The following TMEM200A variants were observed in gnomAD, a reference collection of about 807,000 sequenced individuals.
TMEM200A encodes transmembrane protein 200A.
A neutral mutation model predicts 24.3 loss-of-function variants in TMEM200A; 12 were observed. The observed-to-expected ratio is 0.49, with a 90% confidence interval of 0.32 to 0.80. TMEM200A has a LOEUF of 0.80. Among genes scored for constraint, TMEM200A ranks in the 30% least tolerant of loss-of-function variants. TMEM200A has a pLI of 0.04. For missense variants in TMEM200A, 545 were observed against 614.4 expected, an observed-to-expected ratio of 0.89 and a Z score of 1.19; for synonymous variants, 224 against 224.4, an observed-to-expected ratio of 1.00 and a Z score of 0.02.
At chr6:130,399,931 C>T (rs1467009601) in intron 2 of TMEM200A, among the ~76,000 whole-genome samples, 6 of 152,002 alleles carry the variant, frequency 3.9e-5, no homozygotes, top group East Asian at 1.9e-4. Context: ...TGAGAACATA[C>T]AATGTTTGGT....
chr6:130,442,359 G>C lies in TMEM200A; in HGVS notation c.*461G>C, dbSNP rs542709180. 1 of 166,662 alleles carries C rather than the reference G, an allele frequency of 6.0e-6. No homozygotes were observed. Among genetic ancestry groups the C allele is most frequent in the South Asian group, 2.1e-4 (1 of 4,836 alleles). 10.3% of individuals were successfully genotyped at this position (166,662 alleles called of 1,614,324 possible). ...ATTTTCTGAATAATTGTTCTTTGTA[G>C]GATTTGGTTACATTATTTAAAATGA... On this transcript the variant is annotated 3_prime_UTR_variant, in exon 3 of 3. Coordinates refer to ENST00000296978, the MANE Select transcript of TMEM200A (RefSeq NM_001258277.2).
intron 2 of TMEM200A, among the ~76,000 whole-genome samples, chr6:130,414,797 G>T (rs1779411431): frequency 2.0e-5 from 3 of 152,152 alleles, no homozygotes; most frequent in Admixed American, 1.3e-4. Context: ...CAGGCACTAT[G>T]CTAGGAACTT....
chr6:130,372,589 C>A (rs1778348069), intron 1 of TMEM200A, among the ~76,000 whole-genome samples: 1 of 152,142 alleles, frequency 6.6e-6, no homozygotes, highest in Admixed American at 6.5e-5. Context: ...CACTCGCTAG[C>A]ACATGCTGAA....
At chr6:130,395,845 T>A (rs1275428277) in intron 2 of TMEM200A, among the ~76,000 whole-genome samples, 1 of 152,222 alleles carries the variant, frequency 6.6e-6, no homozygotes, top group African/African-American at 2.4e-5. Context: ...ACTGAACTAA[T>A]AGTACTGTGG....
At chr6:130,404,447 A>G (rs1292378347) in intron 2 of TMEM200A, among the ~76,000 whole-genome samples, 4 of 152,084 alleles carry the variant, frequency 2.6e-5, no homozygotes, top group African/African-American at 9.7e-5. Flanking sequence ...AGTTTTACAT[A>G]TGCTTGTTGG....
chr6:130,437,736 A>T (rs1272611041), intron 2 of TMEM200A: 1 of 152,008 alleles, frequency 6.6e-6, no homozygotes, highest in East Asian at 1.9e-4. Flanking sequence ...TTACTTTAAG[A>T]TACCTTTTTT....
intron 2 of TMEM200A, among the ~76,000 whole-genome samples, chr6:130,416,323 CTCTGTCTCTCTCTCTG>C (rs1562565065): frequency 1.6e-5 from 2 of 126,104 alleles, no homozygotes; most frequent in African/African-American, 4.2e-5. Flanking sequence ...ATTTCTCTCT[CTCTGTCTCTCTCTCTG>C]TGTGTGTGTG....
chr6:130,423,948 C>A (rs530202747), intron 2 of TMEM200A, among the ~76,000 whole-genome samples: 2 of 152,200 alleles, frequency 1.3e-5, no homozygotes, highest in Non-Finnish European at 2.9e-5. Context: ...ATAAGTTGAA[C>A]TTATTTGGTC....
chr6:130,436,664 A>G (rs1160409332), intron 2 of TMEM200A, among the ~76,000 whole-genome samples: 1 of 46,244 alleles, frequency 2.2e-5, no homozygotes, highest in Non-Finnish European at 4.4e-5. Flanking sequence ...TTTTTTTTTC[A>G]GAGAGACAGG....
intron 2 of TMEM200A, among the ~76,000 whole-genome samples, 167 bp downstream of exon 2, chr6:130,385,403 A>T (rs1276800177): frequency 6.6e-6 from 1 of 152,260 alleles, no homozygotes; most frequent in Non-Finnish European, 1.5e-5. Context: ...TAAATAAACC[A>T]GATGTCTTAT....
At chr6:130,394,171 T>C (rs77111362) in intron 2 of TMEM200A, among the ~76,000 whole-genome samples, 2,782 of 152,314 alleles carry the variant, frequency 0.018, 23 homozygotes, top group Non-Finnish European at 0.027. Context: ...ATTTGGATCT[T>C]GATTGTTCTA....
At chr6:130,380,023 G>C (rs1053737820) in intron 1 of TMEM200A, among the ~76,000 whole-genome samples, 1 of 152,090 alleles carries the variant, frequency 6.6e-6, no homozygotes, top group African/African-American at 2.4e-5. Context: ...GTTTGCACAT[G>C]GTCCTTACTG....
At position 130,442,605 on chromosome 6, in the gene TMEM200A, A is replaced by G. The variant is rs903011883; in HGVS notation, c.*707A>G. On this transcript the variant is annotated 3_prime_UTR_variant, in exon 3 of 3. Coordinates refer to ENST00000296978, the MANE Select transcript of TMEM200A (RefSeq NM_001258277.2). ...AGTTGCTATAACGTTAGATACTCGG[A>G]ATCAAAATTTATTTGCAAGCTGACT... 3.6e-5 allele frequency: 6 copies of G among 166,856 alleles called. No individual in the cohort carries two copies. The Admixed American group carries it at 3.9e-4, about 11-fold the overall frequency. The allele number at this position is 166,856 out of a possible 1,614,324, so 10.3% of individuals were successfully genotyped here.
chr6:130,435,148 C>CT (rs978142084), intron 2 of TMEM200A, among the ~76,000 whole-genome samples: 20 of 150,696 alleles, frequency 1.3e-4, no homozygotes, highest in Middle Eastern at 6.8e-3. Context: ...ATATTTGTCT[C>CT]TTTTTTTTTC....
At chr6:130,375,272 G>T (rs538309740) in intron 1 of TMEM200A, among the ~76,000 whole-genome samples, 1 of 152,296 alleles carries the variant, frequency 6.6e-6, no homozygotes, top group East Asian at 1.9e-4. Flanking sequence ...ATATGAGACA[G>T]ATCTTCTTAC....
At chr6:130,399,813 G>A (rs1779040310) in intron 2 of TMEM200A, among the ~76,000 whole-genome samples, 1 of 151,818 alleles carries the variant, frequency 6.6e-6, no homozygotes, top group Non-Finnish European at 1.5e-5. Context: ...CACCATATTT[G>A]TAGTGTTTTG....
At chr6:130,405,887 A>G (rs1779200369) in intron 2 of TMEM200A, among the ~76,000 whole-genome samples, 1 of 152,162 alleles carries the variant, frequency 6.6e-6, no homozygotes, top group East Asian at 1.9e-4. Context: ...TTGCTTCTTC[A>G]TGTCTTGAGT....
In TMEM200A at chr6:130,440,857, C is replaced by T. The variant is rs370977755; in HGVS notation, c.435C>T (p.Ala145=). 24 of 1,614,012 alleles carry T rather than the reference C, an allele frequency of 1.5e-5. No individual in the cohort carries two copies. In the African/African-American group the frequency reaches 2.9e-4, roughly 20 times the overall value. ...TTTTCATTTTCATTTGTGCTAATGC[C>T]ATTCTTCATGAAAACCGTGACAAAG... is the stretch of plus-strand genomic sequence containing the variant. The part of the protein sequence containing the change: ...IGIFIFICAN[A]ILHENRDKET... The change falls in exon 3 of 3, where the codon GCC becomes GCT. Residue 145 remains alanine, a synonymous_variant. Transcript: ENST00000296978.
intron 2 of TMEM200A, among the ~76,000 whole-genome samples, chr6:130,404,324 A>G (rs1160299656): frequency 1.3e-5 from 2 of 151,894 alleles, no homozygotes; most frequent in Non-Finnish European, 2.9e-5. Flanking sequence ...TTTCTCCACA[A>G]TCTCTCCAGC....
Sources: gnomAD v4.1 joint callset for allele counts (sites outside exome capture counted in the v4.1 genomes callset) on GRCh38, gnomAD v4.1.1 for gene constraint, MANE v1.5 for transcripts, NCBI Gene and HGNC (gene_info 2026-07-23, HGNC 2026-07-21) for gene names.